CMSS1: variants seen among roughly 807,000 people sequenced by gnomAD.
The protein encoded by CMSS1 is protein CMSS1.
CMSS1 carries 33 observed loss-of-function variants against 43.5 expected under a neutral mutation model. The ratio of observed to expected loss-of-function variants is 0.76; its 90% CI spans 0.57 to 1.01. The LOEUF (loss-of-function observed/expected upper bound fraction) is 1.01. Ranked by LOEUF, CMSS1 falls within the 50% of genes least tolerant of loss-of-function variation. The pLI is 0.00. For synonymous variants in CMSS1, 115 were observed against 117.2 expected (o/e 0.98, Z 0.12); for missense variants, 313 against 326.4 (o/e 0.96, Z 0.32).
intron 1 of CMSS1, among the ~76,000 whole-genome samples, chr3:100,138,041 A>G (rs1342321369): frequency 1.3e-5 from 2 of 152,228 alleles, no homozygotes; most frequent in South Asian, 2.1e-4. Context: ...AACACCACAC[A>G]TCTACAACCA....
chr3:100,010,079 T>A, intron 1 of CMSS1: 1 of 503,990 alleles, frequency 2.0e-6, no homozygotes, highest in Non-Finnish European at 2.6e-6. Flanking sequence ...TATTGAGGGT[T>A]GAGTACCATA....
At position 99,959,646 on chromosome 3, in the gene CMSS1, C is replaced by G. The variant is rs13059754; in HGVS notation, c.64+141603C>G. Reference sequence around the variant, plus strand: ...TAATCTGTAGACCAAAATGCTATAGCCTTTTAGAGATGGAACAAAATTAGT... The same window carrying G: ...TAATCTGTAGACCAAAATGCTATAGGCTTTTAGAGATGGAACAAAATTAGT... On this transcript the variant is annotated intron_variant, in intron 1 of 9. Transcript: ENST00000421999. Among the ~76,000 whole-genome samples, 688 of 151,942 alleles carry G rather than the reference C, an allele frequency of 4.5e-3. 7 individuals are homozygous for G. Among genetic ancestry groups the G allele is most frequent in the African/African-American group, 0.016 (674 of 41,418 alleles).
intron 1 of CMSS1, among the ~76,000 whole-genome samples, chr3:100,083,862 C>T (rs759823533): frequency 1.5e-4 from 23 of 152,122 alleles, no homozygotes; most frequent in Non-Finnish European, 2.6e-4. Flanking sequence ...GCATGAGCCA[C>T]GGTGCCTGGC....
At chr3:99,876,035 G>T in intron 1 of CMSS1, 1 of 985,208 alleles carries the variant, frequency 1.0e-6, no homozygotes, top group South Asian at 4.7e-5. Flanking sequence ...TGACAGCAGT[G>T]CCCCTTGGTG....
At chr3:99,913,519 G>T (rs948462829) in intron 1 of CMSS1, among the ~76,000 whole-genome samples, 1 of 152,128 alleles carries the variant, frequency 6.6e-6, no homozygotes, top group African/African-American at 2.4e-5. Flanking sequence ...AAATAAAAAG[G>T]ATACAATCTA....
At chr3:100,124,629 A>G (rs908523286) in intron 1 of CMSS1, among the ~76,000 whole-genome samples, 1 of 152,124 alleles carries the variant, frequency 6.6e-6, no homozygotes, top group African/African-American at 2.4e-5. Context: ...CTCACCACCC[A>G]GCACCAATAG....
At chr3:99,896,365 G>C (rs549480753) in intron 1 of CMSS1, among the ~76,000 whole-genome samples, 9 of 152,176 alleles carry the variant, frequency 5.9e-5, no homozygotes, top group African/African-American at 2.2e-4. Context: ...TCTAGAGAGA[G>C]GCTGTTTCAT....
intron 1 of CMSS1, among the ~76,000 whole-genome samples, chr3:99,823,609 A>G (rs530699010): frequency 6.6e-6 from 1 of 152,176 alleles, no homozygotes; most frequent in Non-Finnish European, 1.5e-5. Flanking sequence ...ATAAGCTTCT[A>G]ACAGGGCTCA....
At chr3:100,015,342 GTTCTTTT>G (rs1387804458) in intron 1 of CMSS1, among the ~76,000 whole-genome samples, 3 of 152,056 alleles carry the variant, frequency 2.0e-5, no homozygotes, top group Admixed American at 1.3e-4. Context: ...TTCAAGCTTT[GTTCTTTT>G]TGCTCGAGAT....
intron 1 of CMSS1, among the ~76,000 whole-genome samples, chr3:100,068,690 C>T (rs773842765): frequency 6.6e-6 from 1 of 152,132 alleles, no homozygotes; most frequent in African/African-American, 2.4e-5. Context: ...TGCAGTTGCA[C>T]GATCTCGGCT....
chr3:100,052,290 A>G (rs1296580576), intron 1 of CMSS1, among the ~76,000 whole-genome samples: 1 of 152,244 alleles, frequency 6.6e-6, no homozygotes, highest in Non-Finnish European at 1.5e-5. Context: ...AGAAACGAAT[A>G]AAAAACTAAT....
At chr3:100,090,029 T>C (rs146856641) in intron 1 of CMSS1, among the ~76,000 whole-genome samples, 64 of 152,314 alleles carry the variant, frequency 4.2e-4, no homozygotes, top group African/African-American at 1.5e-3. Context: ...TTTCTCCTGA[T>C]AGGAGTGCGT....
chr3:99,908,482 T>C (rs558428152), intron 1 of CMSS1, among the ~76,000 whole-genome samples: 1 of 152,328 alleles, frequency 6.6e-6, no homozygotes, highest in Non-Finnish European at 1.5e-5. Flanking sequence ...ATCTATACTT[T>C]TAAGTGTCTC....
chr3:99,975,340 G>A (rs986436963), intron 1 of CMSS1, among the ~76,000 whole-genome samples: 1 of 152,166 alleles, frequency 6.6e-6, no homozygotes, highest in African/African-American at 2.4e-5. Flanking sequence ...ATGGTCAAAT[G>A]TTCTAGTGCA....
At chr3:99,925,855 TGGGCTG>T (rs1707276971) in intron 1 of CMSS1, 1 of 985,450 alleles carries the variant, frequency 1.0e-6, no homozygotes, top group African/African-American at 1.7e-5. Context: ...CCAAGCTCAC[TGGGCTG>T]GTTTATCAGC....
At position 100,074,675 on chromosome 3, in the gene CMSS1, A is replaced by ATTTTTTTTTTTTTTTTTT. The variant is rs555819875; in HGVS notation, c.65-72279_65-72262dup. 5.1e-3 allele frequency among the ~76,000 whole-genome samples: 177 copies of ATTTTTTTTTTTTTTTTTT among 34,802 alleles called. 67 individuals carry two copies. Among genetic ancestry groups the ATTTTTTTTTTTTTTTTTT allele is most frequent in the East Asian group, 0.013 (12 of 942 alleles). The allele number at this position is 34,802 out of a possible 152,430, so 22.8% of individuals were successfully genotyped here. On this transcript the variant is annotated intron_variant, in intron 1 of 9. Transcript: ENST00000421999. The stretch of plus-strand genomic sequence containing the variant: ...ATTTTCTATGCATGTGCAACATTTG[A>ATTTTTTTTTTTTTTTTTT]TTTTTTTTTTTTTTTTTTTTTTTTT...
chr3:99,878,842 A>G (rs1214704243), intron 1 of CMSS1, among the ~76,000 whole-genome samples: 4 of 152,248 alleles, frequency 2.6e-5, no homozygotes, highest in Non-Finnish European at 4.4e-5. Flanking sequence ...CATTGGCCAC[A>G]TAAGTAGATG....
rs568468170 is a variant in CMSS1, at chr3:99,821,986, C to T, written c.64+3943C>T. Among the ~76,000 whole-genome samples the T allele has an allele frequency of 3.6e-4, 54 of 152,016 alleles. No individual in the cohort carries two copies. The South Asian group carries it at 4.4e-3, about 12-fold the overall frequency. ...GCTTGAACCCAGGAGGTGGAGCTTG[C>T]GACGAGCCAAGATCGCACCACTGCA... On this transcript the variant is annotated intron_variant, in intron 1 of 9. Coordinates refer to ENST00000421999, the MANE Select transcript of CMSS1 (RefSeq NM_032359.4).
chr3:99,914,589 G>C (rs1023110082), intron 1 of CMSS1, among the ~76,000 whole-genome samples: 1 of 152,152 alleles, frequency 6.6e-6, no homozygotes, highest in Non-Finnish European at 1.5e-5. Context: ...AAGTTATAAA[G>C]TAAGAAATTG....
Sources: allele counts gnomAD v4.1 joint callset (sites outside exome capture counted in the v4.1 genomes callset), GRCh38; gene constraint gnomAD v4.1.1; transcripts MANE v1.5; gene names NCBI Gene and HGNC (gene_info 2026-07-23, HGNC 2026-07-21).